Variants in SLTM observed in about 807,000 individuals in gnomAD.
SLTM encodes SAFB like transcription modulator.
SLTM carries 43 observed loss-of-function variants against 134.6 expected under a neutral mutation model. The ratio of observed to expected loss-of-function variants is 0.32; its 90% CI spans 0.25 to 0.41. The LOEUF is 0.41. Ranked by LOEUF, SLTM falls within the 10% of genes least tolerant of loss-of-function variation. SLTM has a pLI of 1.00. For missense variants in SLTM, 1,055 were observed against 1,288.8 expected, an observed-to-expected ratio of 0.82 and a Z score of 2.78; for synonymous variants, 424 against 432.3, an observed-to-expected ratio of 0.98 and a Z score of 0.24.
intron 2 of SLTM, among the ~76,000 whole-genome samples, chr15:58,917,212 C>T (rs2036711250): frequency 6.6e-6 from 1 of 152,198 alleles, no homozygotes; most frequent in African/African-American, 2.4e-5. Flanking sequence ...TGCACAGAAT[C>T]CTACATATGA....
intron 20 of SLTM, among the ~76,000 whole-genome samples, chr15:58,882,088 T>A (rs2033762673): frequency 6.9e-6 from 1 of 145,802 alleles, no homozygotes; most frequent in South Asian, 2.2e-4. Flanking sequence ...ACGCCTGTAT[T>A]CCCAGCTATT....
intron 5 of SLTM, among the ~76,000 whole-genome samples, chr15:58,910,564 G>T (rs1174068193): frequency 6.6e-6 from 1 of 151,992 alleles, no homozygotes; most frequent in Non-Finnish European, 1.5e-5. Flanking sequence ...ATTTAAGTGG[G>T]GATCCTTAGC....
intron 14 of SLTM, among the ~76,000 whole-genome samples, chr15:58,892,259 G>A (rs1205591941): frequency 6.6e-6 from 1 of 152,096 alleles, no homozygotes; most frequent in Non-Finnish European, 1.5e-5. Context: ...ACTGACACTC[G>A]TGAACTGTTG....
At position 58,913,487 on chromosome 15, in the gene SLTM, C is replaced by T; in HGVS notation, c.513+12G>A. On this transcript the variant is annotated intron_variant, in intron 4 of 20. Coordinates refer to ENST00000380516, the MANE Select transcript of SLTM (RefSeq NM_024755.4). ...TATCTGTGTCATGTTTTAAAAAAAACTGGCTAAAGACCTGACTTTCGATGT... is the reference window on the plus strand; with the variant it reads ...TATCTGTGTCATGTTTTAAAAAAAATTGGCTAAAGACCTGACTTTCGATGT... 6.3e-7 allele frequency: 1 copy of T among 1,579,782 alleles called. No individual in the cohort carries two copies. The highest frequency in any genetic ancestry group is 8.6e-7 in the Non-Finnish European group (1 of 1,165,830).
chr15:58,895,897 T>G (rs1357286089), intron 9 of SLTM, among the ~76,000 whole-genome samples: 1 of 152,174 alleles, frequency 6.6e-6, no homozygotes. Context: ...TTTGGTAATA[T>G]TAATGGCTAT....
At position 58,884,405 on chromosome 15, in the gene SLTM, G is replaced by GC. The variant is rs1185065970; in HGVS notation, c.2836-620dup. 5.9e-5 allele frequency among the ~76,000 whole-genome samples: 9 copies of GC among 151,854 alleles called. No individual in the cohort carries two copies. The South Asian group carries it at 1.7e-3, about 28-fold the overall frequency. On this transcript the variant is annotated intron_variant, in intron 19 of 20. Coordinates refer to ENST00000380516, the MANE Select transcript of SLTM (RefSeq NM_024755.4). ...GCGATCTCGGCTCACTGCAACCTCCGCCCCCCGGATTCAAGCGATTCTCCT... is the reference window on the plus strand; with the variant it reads ...GCGATCTCGGCTCACTGCAACCTCCGCCCCCCCGGATTCAAGCGATTCTCCT...
At position 58,879,930 on chromosome 15, in the gene SLTM, T is replaced by A. The variant is rs1276579096; in HGVS notation, c.*69A>T. The A allele has an allele frequency of 1.3e-6, 2 of 1,560,686 alleles. No homozygotes were observed. Among genetic ancestry groups the A allele is most frequent in the East Asian group, 4.5e-5 (2 of 43,958 alleles). ...TCAAGCAAGTCAGAGGTCCTCTTCATAAGTAGTCAAGTAAAGTTTACAGGA... is the reference window on the plus strand; with the variant it reads ...TCAAGCAAGTCAGAGGTCCTCTTCAAAAGTAGTCAAGTAAAGTTTACAGGA... On this transcript the variant is annotated 3_prime_UTR_variant, in exon 21 of 21. Transcript: ENST00000380516.
At chr15:58,917,555 A>C (rs956639514) in intron 2 of SLTM, among the ~76,000 whole-genome samples, 1 of 152,206 alleles carries the variant, frequency 6.6e-6, no homozygotes, top group Non-Finnish European at 1.5e-5. Flanking sequence ...TACAGTGACT[A>C]CTTTTATGCT....
chr15:58,885,698 C>T (rs1388767897), intron 19 of SLTM, among the ~76,000 whole-genome samples: 2 of 152,168 alleles, frequency 1.3e-5, no homozygotes, highest in African/African-American at 2.4e-5. Flanking sequence ...GAAGGAAAAT[C>T]GCTTGAACCT....
intron 2 of SLTM, among the ~76,000 whole-genome samples, chr15:58,925,198 A>G (rs2037374184): frequency 1.3e-5 from 2 of 152,134 alleles, no homozygotes; most frequent in Admixed American, 6.6e-5. Flanking sequence ...GAGTATCTTA[A>G]TCACAGGCCA....
chr15:58,915,191 A>AAAAAAC (rs140925385), intron 3 of SLTM, among the ~76,000 whole-genome samples: 105 of 150,106 alleles, frequency 7.0e-4, no homozygotes, highest in African/African-American at 2.1e-3. Flanking sequence ...ACTCCATCTC[A>AAAAAAC]AAAAACAAAA....
intron 9 of SLTM, among the ~76,000 whole-genome samples, chr15:58,895,431 G>T (rs2035008657): frequency 6.6e-6 from 1 of 152,202 alleles, no homozygotes; most frequent in Non-Finnish European, 1.5e-5. Context: ...AAGATGGTTA[G>T]TTAAGAGAGA....
intron 2 of SLTM, among the ~76,000 whole-genome samples, chr15:58,930,391 A>G (rs1200895354): frequency 6.6e-6 from 1 of 150,966 alleles, no homozygotes; most frequent in Non-Finnish European, 1.5e-5. Context: ...CAGCCTCTCA[A>G]ACTGCTGGGA....
At chr15:58,901,322 T>C in intron 5 of SLTM, 35 bp from the exon 6 acceptor site, 1 of 1,558,246 alleles carries the variant, frequency 6.4e-7, no homozygotes, top group Non-Finnish European at 8.8e-7. Flanking sequence ...GTAAAATGAA[T>C]TCACATAAAA....
At chr15:58,928,901 T>A (rs759447841) in intron 2 of SLTM, among the ~76,000 whole-genome samples, 1 of 152,216 alleles carries the variant, frequency 6.6e-6, no homozygotes, top group Non-Finnish European at 1.5e-5. Context: ...CGATACTGAT[T>A]TCCTATGAGC....
At chr15:58,882,521 TA>T (rs201317784) in intron 20 of SLTM, among the ~76,000 whole-genome samples, 2,701 of 152,190 alleles carry the variant, frequency 0.018, 39 homozygotes, top group Non-Finnish European at 0.026. Context: ...TCCCTCAAAA[TA>T]AAGATAAGTG....
At chr15:58,917,778 C>A (rs530679089) in intron 2 of SLTM, among the ~76,000 whole-genome samples, 2 of 152,044 alleles carry the variant, frequency 1.3e-5, no homozygotes, top group Non-Finnish European at 2.9e-5. Flanking sequence ...GAGACAGAGT[C>A]GCACTCTGTC....
chr15:58,920,153 A>T (rs957357568), intron 2 of SLTM, among the ~76,000 whole-genome samples: 1 of 151,218 alleles, frequency 6.6e-6, no homozygotes, highest in African/African-American at 2.4e-5. Flanking sequence ...CACCTCTACT[A>T]AAAAATACAA....
intron 6 of SLTM, 112 bp from the exon 7 acceptor site, chr15:58,900,049 G>T: frequency 1.3e-5 from 9 of 680,172 alleles, no homozygotes; most frequent in African/African-American, 1.9e-5. Flanking sequence ...AGCACTGATG[G>T]AAGTTAGGGA....
Sources: allele counts gnomAD v4.1 joint callset (sites outside exome capture counted in the v4.1 genomes callset), GRCh38; gene constraint gnomAD v4.1.1; transcripts MANE v1.5; gene names NCBI Gene and HGNC (gene_info 2026-07-23, HGNC 2026-07-21).